Variants in ARHGAP45 observed in about 807,000 individuals in gnomAD.
The protein encoded by ARHGAP45 is rho GTPase-activating protein 45.
ARHGAP45 carries 56 observed loss-of-function variants against 116.1 expected under a neutral mutation model. The observed-to-expected ratio is 0.48, with a 90% CI of 0.39 to 0.60. ARHGAP45 has a LOEUF of 0.60. ARHGAP45 is among the 20% of genes least tolerant of loss of function. The pLI is 0.00. For missense variants in ARHGAP45, 1,622 were observed against 1,601.0 expected, an observed-to-expected ratio of 1.01 and a Z score of -0.22; for synonymous variants, 866 against 701.7, an observed-to-expected ratio of 1.23 and a Z score of -3.70.
At chr19:1,072,402 G>A (rs1443322294) in intron 2 of ARHGAP45, among the ~76,000 whole-genome samples, 1 of 152,046 alleles carries the variant, frequency 6.6e-6, no homozygotes, top group African/African-American at 2.4e-5. Flanking sequence ...GTTCGATGAG[G>A]GCATTTAGCT....
In ARHGAP45 at chr19:1,077,938, G is replaced by A. The variant is rs941777758; in HGVS notation, c.1267G>A (p.Val423Met). The A allele has an allele frequency of 4.5e-6, 7 of 1,553,642 alleles. No individual in the cohort carries two copies. Among genetic ancestry groups the A allele is most frequent in the East Asian group, 2.4e-5 (1 of 41,222 alleles). Residue 423 changes from valine to methionine, a missense_variant, in exon 11 of 23, where the codon GTG becomes ATG. By Grantham distance (21) the Val-to-Met change is conservative. Around this residue, in one of 3 missense-constraint regions of ARHGAP45, gnomAD observed 1,334 missense variants for 1,263.8 expected, o/e 1.06. Transcript: ENST00000313093. ...CEDHDKARFL[V>M]AKAEEEQAGS... ...GGACCACGACAAGGCTCGCTTCCTC[G>A]TGGCCAAGGCGGAGGAGGAGCAGGC...
intron 10 of ARHGAP45, chr19:1,076,980 C>T (rs1340410835): frequency 9.4e-6 from 9 of 955,604 alleles, no homozygotes; most frequent in South Asian, 4.8e-5. Context: ...CCTCCTGCCT[C>T]GGCCTCCCAA....
intron 2 of ARHGAP45, among the ~76,000 whole-genome samples, chr19:1,072,679 G>A (rs540114093): frequency 2.6e-5 from 4 of 152,330 alleles, no homozygotes; most frequent in Admixed American, 1.3e-4. Context: ...GCGTTCTCAC[G>A]CCTTCAGAGC....
Position 1,079,812 on chromosome 19 carries a change from TC to T in ARHGAP45, c.1486del (p.Arg496GlyfsTer17). ...VTALRQIQEV[I>X]RQSDQTIKSA... ...GCGCTGCGGCAGATCCAGGAGGTCATCCGGCAGAGCGACCAAACCATCAAGT... is the reference window on the plus strand; with the variant it reads ...GCGCTGCGGCAGATCCAGGAGGTCATCGGCAGAGCGACCAAACCATCAAGT... On this transcript the variant is annotated frameshift_variant, in exon 12 of 23. Transcript: ENST00000313093. LOFTEE classifies it high-confidence loss of function. 1 of 1,608,786 alleles carries T rather than the reference TC, an allele frequency of 6.2e-7. No homozygotes were observed. Among genetic ancestry groups the T allele is most frequent in the Non-Finnish European group, 8.5e-7 (1 of 1,176,602 alleles).
chr19:1,067,658 C>CTGGGAGTGG, intron 1 of ARHGAP45, 163 bp downstream of exon 1: 1 of 752,012 alleles, frequency 1.3e-6, no homozygotes, highest in Non-Finnish European at 2.3e-6. Flanking sequence ...GGCCGGGACC[C>CTGGGAGTGG]CGGCATTCAG....
chr19:1,070,352 A>T (rs2043117909), intron 2 of ARHGAP45, among the ~76,000 whole-genome samples: 1 of 94,538 alleles, frequency 1.1e-5, no homozygotes. Context: ...TTTTTTTGAG[A>T]CAGAGTCTCA....
chr19:1,066,213 TG>T, upstream of ARHGAP45: 1 of 1,028,864 alleles, frequency 9.7e-7, no homozygotes, highest in Non-Finnish European at 1.2e-6. Context: ...GTTTTGGGAT[TG>T]GGGGTGGGGT....
rs767013856 is a variant in ARHGAP45 at position 1,073,520 on chromosome 19, A to G, written c.580A>G (p.Ser194Gly). ...IAKVKAFHYE[S>G]NNDLEKQEFE... Reference sequence around the variant, plus strand: ...CTGCTTCCCAGCCTTCCATTATGAGAGCAACAATGATCTGGAGAAACAGGA... The same window carrying G: ...CTGCTTCCCAGCCTTCCATTATGAGGGCAACAATGATCTGGAGAAACAGGA... Residue 194 changes from serine to glycine, a missense_variant, in exon 4 of 23, where the codon AGC becomes GGC. Coordinates refer to ENST00000313093, the MANE Select transcript of ARHGAP45 (RefSeq NM_012292.5). 8 of 1,613,818 alleles carry G rather than the reference A, an allele frequency of 5.0e-6. No individual in the cohort carries two copies. The highest frequency in any genetic ancestry group is 6.8e-6 in the Non-Finnish European group (8 of 1,179,906).
intron 22 of ARHGAP45, 31 bp downstream of exon 22, chr19:1,084,377 G>A: frequency 6.4e-7 from 1 of 1,568,566 alleles, no homozygotes; most frequent in Middle Eastern, 2.2e-4. Context: ...ACGGCCCCAA[G>A]GGAGGCTGGC....
At chr19:1,081,280 G>C (rs1004428369) in intron 17 of ARHGAP45, 12 of 656,170 alleles carry the variant, frequency 1.8e-5, no homozygotes, top group Non-Finnish European at 2.6e-5. Context: ...CAGACCTGGA[G>C]GGTGAAGAGT....
chr19:1,070,951 C>A (rs939121441), intron 2 of ARHGAP45, among the ~76,000 whole-genome samples: 3 of 152,196 alleles, frequency 2.0e-5, no homozygotes, highest in African/African-American at 7.2e-5. Flanking sequence ...CTGCATGCAG[C>A]GATGGTTGTG....
Position 1,068,589 on chromosome 19 carries a change from G to A in ARHGAP45, c.266G>A (p.Arg89Gln), listed in dbSNP as rs1285347732. 19 of 1,610,500 alleles carry A rather than the reference G, an allele frequency of 1.2e-5. No individual in the cohort carries two copies. The highest frequency in any genetic ancestry group is 4.5e-5 in the East Asian group (2 of 44,828). The change falls in exon 2 of 23, where the codon CGG (arginine) becomes CAG (glutamine). Residue 89 changes from arginine (R) to glutamine (Q), a missense_variant. Arg to Gln is a conservative substitution (Grantham distance 43). This residue lies in a region of ARHGAP45 where 279 missense variants were observed against 311.9 expected (regional missense o/e 0.89). Transcript: ENST00000313093. This position sits in a 1 kb window ranked among gnomAD's most constrained non-coding sequence, Gnocchi z 7.5. ...LSGAASWTLGRSHRSPLTAAS... is the reference protein window; with the variant it reads ...LSGAASWTLGQSHRSPLTAAS... ...GGTGCTGCCTCCTGGACACTGGGCC[G>A]GAGCCACCGGAGCCCACTGACAGCC...
chr19:1,072,136 A>G (rs1040695128), intron 2 of ARHGAP45, among the ~76,000 whole-genome samples: 1 of 151,562 alleles, frequency 6.6e-6, no homozygotes, highest in Non-Finnish European at 1.5e-5. Flanking sequence ...ATCTCGGCTC[A>G]CTGCAACCTC....
At chr19:1,073,093 A>G in intron 2 of ARHGAP45, 56 bp from the exon 3 acceptor site, 5 of 1,542,046 alleles carry the variant, frequency 3.2e-6, no homozygotes, top group Non-Finnish European at 4.3e-6. Flanking sequence ...GGAGGTGGAC[A>G]GACTTTCCCT....
chr19:1,072,933 C>G (rs2043166625), intron 2 of ARHGAP45, among the ~76,000 whole-genome samples: 1 of 152,178 alleles, frequency 6.6e-6, no homozygotes, highest in Non-Finnish European at 1.5e-5. Context: ...CAGCAGAGTG[C>G]CTAGGCCAAC....
At chr19:1,075,035 CAA>C (rs71699939) in intron 10 of ARHGAP45, among the ~76,000 whole-genome samples, 156 bp downstream of exon 10, 39,331 of 139,576 alleles carry the variant, frequency 0.28, 5,757 homozygotes, top group Middle Eastern at 0.37. Context: ...CCGCCCCCCC[CAA>C]CGCCAAGCCG....
Position 1,081,938 on chromosome 19 carries a change from G to C in ARHGAP45, c.2494G>C (p.Val832Leu). Residue 832 changes from valine to leucine, a missense_variant, in exon 19 of 23, where the codon GTC becomes CTC. Transcript: ENST00000313093. ...SQASPHDISNVLKLYLRQLPE... is the reference protein window; with the variant it reads ...SQASPHDISNLLKLYLRQLPE... ...GGCCTCGCCCCACGACATCAGCAAC[G>C]TCCTCAAGCTCTACCTGCGTCAGGT... The C allele has an allele frequency of 6.2e-7, 1 of 1,612,344 alleles. No homozygotes were observed. The highest frequency in any genetic ancestry group is 1.3e-5 in the African/African-American group (1 of 75,022).
chr19:1,077,021 G>A lies in ARHGAP45; in HGVS notation c.1186-836G>A, dbSNP rs566551356. 1.9e-4 allele frequency: 188 copies of A among 985,272 alleles called. 1 individual carries two copies. Among genetic ancestry groups the A allele is most frequent in the Admixed American group, 7.4e-4 (12 of 16,258 alleles). The allele number at this position is 985,272 out of a possible 1,614,324, so 61.0% of individuals were successfully genotyped here. ...TGGGAGTACAGGTGTGACCCATGGC[G>A]CCTGGCGGTCTCCTAGTAATTGGAT... On this transcript the variant is annotated intron_variant, in intron 10 of 22. Coordinates refer to ENST00000313093, the MANE Select transcript of ARHGAP45 (RefSeq NM_012292.5).
At position 1,077,870 on chromosome 19, in the gene ARHGAP45, C is replaced by T; in HGVS notation, c.1199C>T (p.Ser400Phe). 6.4e-7 allele frequency: 1 copy of T among 1,553,470 alleles called. No homozygotes were observed. Among genetic ancestry groups the T allele is most frequent in the South Asian group, 1.2e-5 (1 of 84,230 alleles). Residue 400 changes from serine (S) to phenylalanine (F), a missense_variant, in exon 11 of 23, where the codon TCC becomes TTC. Coordinates refer to ENST00000313093, the MANE Select transcript of ARHGAP45 (RefSeq NM_012292.5). ...CCACACCCACAGCAAGAGGCGGAGT[C>T]CAACCTGCGCAAGGCCAAGCAGGGT... ...RAQRKLQEAESNLRKAKQGYV... is the reference protein window; with the variant it reads ...RAQRKLQEAEFNLRKAKQGYV...
Sources: gnomAD v4.1 joint callset for allele counts (sites outside exome capture counted in the v4.1 genomes callset) on GRCh38, gnomAD v4.1.1 for gene constraint, gnomAD v4.1.1 regional missense constraint, Gnocchi (gnomAD v3.1) non-coding constraint, MANE v1.5 for transcripts, NCBI Gene and HGNC (gene_info 2026-07-23, HGNC 2026-07-21) for gene names.